FDX1: variants seen among roughly 807,000 people sequenced by gnomAD.
FDX1 encodes the protein adrenodoxin, mitochondrial.
In FDX1, 9 loss-of-function variants were observed where a neutral mutation model predicts 14.9. The observed-to-expected ratio is 0.60, with a 90% confidence interval of 0.36 to 1.05. FDX1 has a LOEUF of 1.05. Among genes scored for constraint, FDX1 ranks in the 50% least tolerant of loss-of-function variants. FDX1 has a pLI of 0.01. For missense variants in FDX1, 204 were observed against 237.2 expected, an observed-to-expected ratio of 0.86 and a Z score of 0.92; for synonymous variants, 92 against 99.4, an observed-to-expected ratio of 0.93 and a Z score of 0.44.
At chr11:110,458,304 G>A (rs1003771043) in intron 3 of FDX1, among the ~76,000 whole-genome samples, 8 of 152,178 alleles carry the variant, frequency 5.3e-5, no homozygotes, top group Non-Finnish European at 7.3e-5. Flanking sequence ...AAGTTTTACA[G>A]CTACACAATA....
intron 2 of FDX1, among the ~76,000 whole-genome samples, chr11:110,446,061 C>T (rs2134684567): frequency 6.6e-6 from 1 of 152,196 alleles, no homozygotes; most frequent in South Asian, 2.1e-4. Context: ...AGAAGAAAAG[C>T]TTTAAAGATC....
intron 3 of FDX1, among the ~76,000 whole-genome samples, chr11:110,458,239 T>C (rs556073595): frequency 2.0e-5 from 3 of 152,242 alleles, no homozygotes; most frequent in African/African-American, 7.2e-5. Context: ...TACAGTTAGA[T>C]ACAAAAGGTC....
At position 110,448,169 on chromosome 11, in the gene FDX1, TTTTTCTTCAATATTACCTG is replaced by T. The variant is rs1331813216; in HGVS notation, c.311-8739_311-8721del. Reference sequence around the variant, plus strand: ...TTACCTAGTTTACTCTCAAGACATTTTTTTCTTCAATATTACCTGTTTTCTTCATGTGTCTGTTTTGAGG... The same window carrying T: ...TTACCTAGTTTACTCTCAAGACATTTTTTTCTTCATGTGTCTGTTTTGAGG... On this transcript the variant is annotated intron_variant, in intron 2 of 3. Coordinates refer to ENST00000260270, the MANE Select transcript of FDX1 (RefSeq NM_004109.5). Among the ~76,000 whole-genome samples the T allele has an allele frequency of 1.2e-4, 19 of 152,302 alleles. No individual in the cohort carries two copies. In the East Asian group the frequency reaches 1.5e-3, roughly 12 times the overall value.
intron 2 of FDX1, among the ~76,000 whole-genome samples, chr11:110,441,220 C>T (rs1946402381): frequency 6.6e-6 from 1 of 152,192 alleles, no homozygotes; most frequent in East Asian, 1.9e-4. Flanking sequence ...ATGTCTTTGT[C>T]AGCAGTGTGA....
At chr11:110,453,021 A>C (rs1946496473) in intron 2 of FDX1, among the ~76,000 whole-genome samples, 2 of 152,318 alleles carry the variant, frequency 1.3e-5, no homozygotes, top group South Asian at 4.1e-4. Flanking sequence ...TGGTGGTTAC[A>C]CAAGTCTATA....
rs368983211 is a variant in FDX1, at chr11:110,457,022, G to A, written c.415G>A (p.Asp139Asn). The A allele has an allele frequency of 1.2e-6, 2 of 1,613,058 alleles. No individual in the cohort carries two copies. Among genetic ancestry groups the A allele is most frequent in the South Asian group, 1.1e-5 (1 of 90,938 alleles). The change falls in exon 3 of 4, where the codon GAT (aspartate) becomes AAT (asparagine). Residue 139 changes from aspartate to asparagine, a missense_variant. Physicochemically the swap from Asp to Asn is conservative, Grantham distance 23 (BLOSUM62 1). Coordinates refer to ENST00000260270, the MANE Select transcript of FDX1 (RefSeq NM_004109.5). Reference sequence around the variant, plus strand: ...CACTGATGAGGAGAATGACATGCTCGATCTGGCATATGGACTAACAGACAG... The same window carrying A: ...CACTGATGAGGAGAATGACATGCTCAATCTGGCATATGGACTAACAGACAG... ...AITDEENDML[D>N]LAYGLTDRSR...
At chr11:110,445,429 A>G (rs983473355) in intron 2 of FDX1, among the ~76,000 whole-genome samples, 2 of 152,184 alleles carry the variant, frequency 1.3e-5, no homozygotes, top group African/African-American at 4.8e-5. Flanking sequence ...GCAGGTGACA[A>G]CTATTACAAG....
intron 2 of FDX1, among the ~76,000 whole-genome samples, chr11:110,436,857 A>G (rs567622653): frequency 6.0e-4 from 91 of 152,118 alleles, no homozygotes; most frequent in African/African-American, 2.0e-3. Flanking sequence ...TGCTTATAAC[A>G]GTTTTCCTTT....
At position 110,462,664 on chromosome 11, in the gene FDX1, A is replaced by G. The variant is rs1266683802; in HGVS notation, c.*196A>G. 3 of 371,822 alleles carry G rather than the reference A, an allele frequency of 8.1e-6. No individual in the cohort carries two copies. The highest frequency in any genetic ancestry group is 9.6e-6 in the Non-Finnish European group (2 of 208,050). The allele number at this position is 371,822 out of a possible 1,614,324, so 23.0% of individuals were successfully genotyped here. On this transcript the variant is annotated 3_prime_UTR_variant, in exon 4 of 4. Coordinates refer to ENST00000260270, the MANE Select transcript of FDX1 (RefSeq NM_004109.5). ...TTTTTATTTTGGTTATATTACAAAA[A>G]TGTCAATCAAATATTAAAAAATAGT... is the stretch of plus-strand genomic sequence containing the variant.
intron 3 of FDX1, among the ~76,000 whole-genome samples, chr11:110,459,125 T>G (rs1946541129): frequency 6.6e-6 from 1 of 152,208 alleles, no homozygotes; most frequent in South Asian, 2.1e-4. Flanking sequence ...GATTCAGGAA[T>G]TACCTGTGAG....
chr11:110,429,925 T>G, upstream of FDX1: 1 of 346,172 alleles, frequency 2.9e-6, no homozygotes, highest in East Asian at 4.4e-5. Flanking sequence ...CTTGCCAATG[T>G]CTTTATAGGT....
chr11:110,447,492 T>C (rs1388193434), intron 2 of FDX1, among the ~76,000 whole-genome samples: 1 of 152,016 alleles, frequency 6.6e-6, no homozygotes, highest in Non-Finnish European at 1.5e-5. Flanking sequence ...CCTTTGCACA[T>C]AGGATAAAAT....
At chr11:110,432,168 G>A (rs1382466791) in intron 1 of FDX1, among the ~76,000 whole-genome samples, 1 of 152,066 alleles carries the variant, frequency 6.6e-6, no homozygotes, top group Non-Finnish European at 1.5e-5. Context: ...TTAACAACTC[G>A]ATAAGCTATC....
chr11:110,434,433 T>C (rs571477559), intron 1 of FDX1, among the ~76,000 whole-genome samples: 69 of 147,766 alleles, frequency 4.7e-4, no homozygotes, highest in Admixed American at 7.5e-4. Context: ...GCCTTCCGGG[T>C]TCAAGCGATT....
At chr11:110,451,868 T>C (rs1946488774) in intron 2 of FDX1, among the ~76,000 whole-genome samples, 1 of 152,242 alleles carries the variant, frequency 6.6e-6, no homozygotes, top group Non-Finnish European at 1.5e-5. Flanking sequence ...CACTTACGTA[T>C]ACCACATTTT....
intron 2 of FDX1, among the ~76,000 whole-genome samples, chr11:110,455,728 A>C (rs1025363567): frequency 2.6e-5 from 4 of 152,176 alleles, no homozygotes; most frequent in African/African-American, 9.7e-5. Context: ...TAGTGGAAGG[A>C]CCTGGGGATG....
intron 2 of FDX1, among the ~76,000 whole-genome samples, chr11:110,445,943 G>C (rs1946447290): frequency 6.6e-6 from 1 of 152,062 alleles, no homozygotes. Context: ...TCATCACACA[G>C]AGATAAGCAC....
At chr11:110,450,231 T>C (rs1946477787) in intron 2 of FDX1, among the ~76,000 whole-genome samples, 1 of 152,144 alleles carries the variant, frequency 6.6e-6, no homozygotes, top group Admixed American at 6.5e-5. Flanking sequence ...CAACTCATCA[T>C]AAGGTAGAAT....
intron 2 of FDX1, among the ~76,000 whole-genome samples, chr11:110,440,088 T>G (rs1946395949): frequency 6.6e-6 from 1 of 152,188 alleles, no homozygotes. Context: ...GTCTCTAGGA[T>G]CTTTGTATCT....
Sources: allele counts gnomAD v4.1 joint callset (sites outside exome capture counted in the v4.1 genomes callset), GRCh38; gene constraint gnomAD v4.1.1; transcripts MANE v1.5; gene names NCBI Gene and HGNC (gene_info 2026-07-23, HGNC 2026-07-21).